ASB3: variants seen among roughly 807,000 people sequenced by gnomAD.
ASB3 encodes ankyrin repeat and SOCS box containing 3.
A neutral mutation model predicts 54.5 loss-of-function variants in ASB3; 41 were observed. That is an observed-to-expected ratio of 0.75 (90% CI 0.59 to 0.98). The LOEUF (loss-of-function observed/expected upper bound fraction) is 0.98. Among genes scored for constraint, ASB3 ranks in the 50% least tolerant of loss-of-function variants. The pLI is 0.00. For missense variants in ASB3, 733 were observed against 620.0 expected (o/e 1.18, Z -1.94); for synonymous variants, 266 against 221.2 (o/e 1.20, Z -1.80).
intron 2 of ASB3, chr2:53,763,531 G>T (rs981355292): frequency 5.9e-6 from 1 of 169,300 alleles, no homozygotes; most frequent in Non-Finnish European, 1.5e-5. Flanking sequence ...GCAGACTGCC[G>T]AACTTGAGGA....
chr2:53,780,268 G>T (rs1214945950), intron 1 of ASB3, among the ~76,000 whole-genome samples: 1 of 151,992 alleles, frequency 6.6e-6, no homozygotes, highest in African/African-American at 2.4e-5. Flanking sequence ...ACTTCCCACT[G>T]ACGTACTCCC....
intron 9 of ASB3, among the ~76,000 whole-genome samples, chr2:53,682,803 G>A (rs751705055): frequency 3.9e-5 from 6 of 152,062 alleles, no homozygotes; most frequent in Middle Eastern, 3.2e-3. Context: ...AAATAAATGC[G>A]CCAATTTTTG....
At position 53,750,932 on chromosome 2, in the gene ASB3, T is replaced by G; in HGVS notation, c.206A>C (p.Glu69Ala). Reference sequence around the variant, plus strand: ...AAAGGTCTTCATCTTAATGTAGTTTTCAGATGAATCTGTGGAAGAATCAAA... The same window carrying G: ...AAAGGTCTTCATCTTAATGTAGTTTGCAGATGAATCTGTGGAAGAATCAAA... Reference protein sequence around the residue: ...LQMLINADSSENYIKMKTFEG... With the variant: ...LQMLINADSSANYIKMKTFEG... The change falls in exon 3 of 10, where the codon GAA becomes GCA. Residue 69 changes from glutamate to alanine, a missense_variant. Glu to Ala is a moderately radical substitution (Grantham distance 107, BLOSUM62 -1). Transcript: ENST00000263634. 1 of 1,552,660 alleles carries G rather than the reference T, an allele frequency of 6.4e-7. No individual in the cohort carries two copies. Among genetic ancestry groups the G allele is most frequent in the Non-Finnish European group, 8.7e-7 (1 of 1,151,298 alleles).
intron 3 of ASB3, among the ~76,000 whole-genome samples, chr2:53,731,192 G>A (rs1044494956): frequency 6.6e-6 from 1 of 152,178 alleles, no homozygotes; most frequent in African/African-American, 2.4e-5. Context: ...ACGAGTTCAG[G>A]AGATCGAGAC....
intron 9 of ASB3, among the ~76,000 whole-genome samples, chr2:53,686,273 C>A (rs1307112830): frequency 6.6e-6 from 1 of 152,032 alleles, no homozygotes; most frequent in Non-Finnish European, 1.5e-5. Flanking sequence ...TAATTCAGGC[C>A]AACCATGAAA....
chr2:53,704,086 A>T (rs550777812), intron 7 of ASB3, among the ~76,000 whole-genome samples: 19 of 152,314 alleles, frequency 1.2e-4, no homozygotes, highest in Non-Finnish European at 2.6e-4. Flanking sequence ...AAGAAGGGCT[A>T]GGCGTGGTGG....
intron 1 of ASB3, among the ~76,000 whole-genome samples, chr2:53,782,925 T>G (rs1391741309): frequency 6.6e-6 from 1 of 152,106 alleles, no homozygotes; most frequent in Non-Finnish European, 1.5e-5. Context: ...TAGCTGGGAT[T>G]ACAGAAGCCT....
intron 3 of ASB3, among the ~76,000 whole-genome samples, chr2:53,729,811 A>T (rs1338703023): frequency 6.6e-6 from 1 of 152,218 alleles, no homozygotes; most frequent in Non-Finnish European, 1.5e-5. Context: ...ACCAAGAAGC[A>T]AACATTTATT....
chr2:53,687,840 G>A (rs1299723354), intron 9 of ASB3, among the ~76,000 whole-genome samples: 1 of 152,124 alleles, frequency 6.6e-6, no homozygotes, highest in East Asian at 1.9e-4. Context: ...TTAAGAGACA[G>A]GATCAGGCTC....
In ASB3 at chr2:53,681,919, G is replaced by A. The variant is rs141409571; in HGVS notation, c.1370-11229C>T. Among the ~76,000 whole-genome samples the A allele has an allele frequency of 6.1e-3, 926 of 152,180 alleles. 20 individuals carry two copies. The East Asian group carries it at 0.073, about 12-fold the overall frequency. ...TCATGCCTGTAATCCCAGCACTTTGGGAGGGTGAGGTGGGTGGATCACAAA... is the reference window on the plus strand; with the variant it reads ...TCATGCCTGTAATCCCAGCACTTTGAGAGGGTGAGGTGGGTGGATCACAAA... On this transcript the variant is annotated intron_variant, in intron 9 of 9. Coordinates refer to ENST00000263634, the MANE Select transcript of ASB3 (RefSeq NM_016115.5).
chr2:53,767,473 C>G (rs1673543720), intron 1 of ASB3: 2 of 159,438 alleles, frequency 1.3e-5, no homozygotes, highest in African/African-American at 4.8e-5. Flanking sequence ...GCCTCCGTAT[C>G]TGGACACGAG....
intron 5 of ASB3, among the ~76,000 whole-genome samples, chr2:53,723,377 G>A (rs1034135642): frequency 2.1e-4 from 32 of 152,014 alleles, no homozygotes; most frequent in Non-Finnish European, 1.5e-5. Flanking sequence ...GGTAGTGTTT[G>A]GTTACATGAG....
chr2:53,783,074 A>G (rs1674743614), intron 1 of ASB3, among the ~76,000 whole-genome samples: 1 of 151,824 alleles, frequency 6.6e-6, no homozygotes, highest in Non-Finnish European at 1.5e-5. Flanking sequence ...TGCCCCGCCA[A>G]GAATTTTTTT....
chr2:53,740,029 C>G (rs948091240), intron 3 of ASB3, among the ~76,000 whole-genome samples: 4 of 152,156 alleles, frequency 2.6e-5, no homozygotes, highest in African/African-American at 9.7e-5. Context: ...ATGACATGGT[C>G]AGTAAGTCTG....
At chr2:53,766,541 G>C (rs1460672758) in intron 1 of ASB3, among the ~76,000 whole-genome samples, 1 of 152,128 alleles carries the variant, frequency 6.6e-6, no homozygotes, top group Admixed American at 6.6e-5. Flanking sequence ...CACATGTAGA[G>C]TATGTGGCAG....
intron 7 of ASB3, 114 bp downstream of exon 7, chr2:53,714,270 A>G: frequency 7.7e-7 from 1 of 1,304,900 alleles, no homozygotes; most frequent in East Asian, 2.5e-5. Flanking sequence ...GTTCCAAGAT[A>G]GCAATTTAGC....
intron 1 of ASB3, among the ~76,000 whole-genome samples, chr2:53,773,942 G>C (rs1294298357): frequency 1.3e-5 from 2 of 152,078 alleles, no homozygotes; most frequent in African/African-American, 4.8e-5. Context: ...GGCTGAGGCA[G>C]GAGAATAGCT....
chr2:53,743,051 T>C (rs928876472), intron 3 of ASB3, among the ~76,000 whole-genome samples: 2 of 152,138 alleles, frequency 1.3e-5, no homozygotes, highest in Non-Finnish European at 2.9e-5. Context: ...ACAGAATGGA[T>C]CATCATTTTT....
intron 3 of ASB3, among the ~76,000 whole-genome samples, chr2:53,742,429 G>C (rs1413410780): frequency 6.6e-6 from 1 of 151,932 alleles, no homozygotes; most frequent in Non-Finnish European, 1.5e-5. Context: ...AAAAACAATA[G>C]ACCAACAACA....
Sources: gnomAD v4.1 joint callset for allele counts (sites outside exome capture counted in the v4.1 genomes callset) on GRCh38, gnomAD v4.1.1 for gene constraint, MANE v1.5 for transcripts, NCBI Gene and HGNC (gene_info 2026-07-23, HGNC 2026-07-21) for gene names.